The following KLHL1 variants were observed in gnomAD, a reference collection of about 807,000 sequenced individuals.
The protein encoded by KLHL1 is kelch-like protein 1.
KLHL1 carries 47 observed loss-of-function variants against 77.7 expected under a neutral mutation model. The observed-to-expected ratio is 0.60, with a 90% CI of 0.48 to 0.77. The LOEUF is 0.77. Ranked by LOEUF, KLHL1 falls within the 30% of genes least tolerant of loss-of-function variation. The probability of loss-of-function intolerance (pLI) is 0.00; values close to 1 mark genes in which losing one functional copy is unlikely to be tolerated. For synonymous variants in KLHL1, 360 were observed against 325.2 expected (o/e 1.11, Z -1.15); for missense variants, 925 against 910.8 (o/e 1.02, Z -0.20).
intron 6 of KLHL1, among the ~76,000 whole-genome samples, chr13:69,801,631 A>G (rs1206674630): frequency 6.6e-6 from 1 of 152,138 alleles, no homozygotes; most frequent in African/African-American, 2.4e-5. Flanking sequence ...ACATAATTCA[A>G]AGGTGAATCT....
intron 1 of KLHL1, among the ~76,000 whole-genome samples, chr13:69,986,571 CTA>C (rs1884877557): frequency 6.6e-6 from 1 of 151,932 alleles, no homozygotes; most frequent in South Asian, 2.1e-4. Context: ...ATTTAGAAAA[CTA>C]TGCGAATTAC....
Position 70,107,779 on chromosome 13 carries a change from CG to C in KLHL1, c.-81del, listed in dbSNP as rs1259938365. ...GCAGGTGGGGGAGGACAGCGGGGCC[CG>C]GGGGCGGAGGAAGAGGCGGGATGCG... On this transcript the variant is annotated 5_prime_UTR_variant, in exon 1 of 11. Coordinates refer to ENST00000377844, the MANE Select transcript of KLHL1 (RefSeq NM_020866.3). The C allele has an allele frequency of 6.1e-6, 7 of 1,141,844 alleles. No homozygotes were observed. Among genetic ancestry groups the C allele is most frequent in the African/African-American group, 1.6e-5 (1 of 64,272 alleles). The allele number at this position is 1,141,844 out of a possible 1,614,324, so 70.7% of individuals were successfully genotyped here. A position where few individuals can be genotyped will look rare whatever the true frequency, so the allele number is the denominator to read the frequency against.
At position 69,800,843 on chromosome 13, in the gene KLHL1, A is replaced by G. The variant is rs73504081; in HGVS notation, c.1415-3881T>C. Among the ~76,000 whole-genome samples the G allele has an allele frequency of 9.9e-3, 1,507 of 152,272 alleles. 27 individuals are homozygous for G. Among genetic ancestry groups the G allele is most frequent in the African/African-American group, 0.035 (1,434 of 41,540 alleles). ...TTTGTTGTCCCTTAGAGAAAAACCA[A>G]TATTTATCATAATATAGATTACAAA... On this transcript the variant is annotated intron_variant, in intron 6 of 10. Coordinates refer to ENST00000377844, the MANE Select transcript of KLHL1 (RefSeq NM_020866.3).
At chr13:69,809,956 A>G (rs1877793096) in intron 6 of KLHL1, among the ~76,000 whole-genome samples, 1 of 152,122 alleles carries the variant, frequency 6.6e-6, no homozygotes, top group East Asian at 1.9e-4. Context: ...GAAGGGCATT[A>G]GATAATGATA....
At chr13:69,779,021 A>G (rs988074975) in intron 7 of KLHL1, among the ~76,000 whole-genome samples, 1 of 152,072 alleles carries the variant, frequency 6.6e-6, no homozygotes, top group African/African-American at 2.4e-5. Context: ...GATGGTCTCC[A>G]TCTCCTGACC....
At chr13:69,765,180 G>T (rs1412596165) in intron 7 of KLHL1, among the ~76,000 whole-genome samples, 1 of 151,492 alleles carries the variant, frequency 6.6e-6, no homozygotes, top group Non-Finnish European at 1.5e-5. Flanking sequence ...TTGAACTCCT[G>T]GTCTCAGATG....
chr13:69,750,732 C>G (rs1444938279), intron 7 of KLHL1, among the ~76,000 whole-genome samples: 1 of 151,836 alleles, frequency 6.6e-6, no homozygotes, highest in Non-Finnish European at 1.5e-5. Context: ...TCACATAATT[C>G]TACTAAATTA....
At chr13:69,821,927 C>A (rs1391001316) in intron 6 of KLHL1, among the ~76,000 whole-genome samples, 1 of 152,052 alleles carries the variant, frequency 6.6e-6, no homozygotes, top group Non-Finnish European at 1.5e-5. Context: ...AGGCCAGGCC[C>A]AGTGGCTCAT....
At chr13:69,789,053 ATCTATCT>A (rs1876724723) in intron 7 of KLHL1, among the ~76,000 whole-genome samples, 1 of 151,774 alleles carries the variant, frequency 6.6e-6, no homozygotes, top group Non-Finnish European at 1.5e-5. Context: ...CTATCTATCT[ATCTATCT>A]ATCTACTTAT....
At chr13:70,103,022 A>AT (rs992076486) in intron 1 of KLHL1, among the ~76,000 whole-genome samples, 4 of 152,110 alleles carry the variant, frequency 2.6e-5, no homozygotes, top group African/African-American at 9.7e-5. Context: ...TTCAATAAGA[A>AT]TTTTTTTAAA....
chr13:70,026,473 C>T (rs1257780837), intron 1 of KLHL1, among the ~76,000 whole-genome samples: 1 of 152,084 alleles, frequency 6.6e-6, no homozygotes, highest in Non-Finnish European at 1.5e-5. Context: ...TTATGTATTA[C>T]ATAAGAAATA....
chr13:69,846,850 T>C (rs999500910), intron 5 of KLHL1, among the ~76,000 whole-genome samples: 2 of 55,240 alleles, frequency 3.6e-5, no homozygotes, highest in Non-Finnish European at 7.9e-5. Flanking sequence ...TTGAAATGTT[T>C]GTAATAATAC....
intron 1 of KLHL1, among the ~76,000 whole-genome samples, chr13:70,026,478 G>A (rs1215546991): frequency 6.6e-6 from 1 of 152,052 alleles, no homozygotes; most frequent in African/African-American, 2.4e-5. Context: ...TATTACATAA[G>A]AAATAACACT....
intron 1 of KLHL1, among the ~76,000 whole-genome samples, chr13:70,089,014 C>A (rs991103083): frequency 3.3e-5 from 5 of 152,124 alleles, no homozygotes; most frequent in Non-Finnish European, 1.5e-5. Context: ...GAAAACCCAG[C>A]AGGGCAGTAA....
chr13:70,064,613 TC>T (rs1419157784), intron 1 of KLHL1, among the ~76,000 whole-genome samples: 1 of 152,156 alleles, frequency 6.6e-6, no homozygotes, highest in Admixed American at 6.5e-5. Context: ...ACTATAAACT[TC>T]ACAGGGTAAG....
chr13:70,052,157 A>C (rs1886644032), intron 1 of KLHL1, among the ~76,000 whole-genome samples: 1 of 151,948 alleles, frequency 6.6e-6, no homozygotes, highest in African/African-American at 2.4e-5. Flanking sequence ...ATTCTGATGC[A>C]CAGAAATTGT....
chr13:69,801,875 T>A (rs1255601799), intron 6 of KLHL1, among the ~76,000 whole-genome samples: 2 of 152,204 alleles, frequency 1.3e-5, no homozygotes, highest in Non-Finnish European at 2.9e-5. Context: ...TATTATTTTT[T>A]AATTTTACTT....
At position 69,855,298 on chromosome 13, in the gene KLHL1, A is replaced by AGATAGAT. The variant is rs1366533443; in HGVS notation, c.1228-16143_1228-16137dup. On this transcript the variant is annotated intron_variant, in intron 5 of 10. Transcript: ENST00000377844. Reference sequence around the variant, plus strand: ...TCACTCGTACTAATTTTAGATAGATAGATAGATAGATAGATAGATAGATAG... The same window carrying AGATAGAT: ...TCACTCGTACTAATTTTAGATAGATAGATAGATGATAGATAGATAGATAGATAGATAG... Among the ~76,000 whole-genome samples, 120 of 48,172 alleles carry AGATAGAT rather than the reference A, an allele frequency of 2.5e-3. 1 individual carries two copies. The highest frequency in any genetic ancestry group is 8.4e-3 in the African/African-American group (110 of 13,148). The allele number at this position is 48,172 out of a possible 152,430, so 31.6% of individuals were successfully genotyped here. A position where few individuals can be genotyped will look rare whatever the true frequency, so the allele number is the denominator to read the frequency against.
chr13:70,054,645 T>C (rs538532010), intron 1 of KLHL1, among the ~76,000 whole-genome samples: 1 of 151,358 alleles, frequency 6.6e-6, no homozygotes, highest in African/African-American at 2.4e-5. Context: ...GCTATTTTGA[T>C]AAAGCCAAAC....
Sources: gnomAD v4.1 joint callset for allele counts (sites outside exome capture counted in the v4.1 genomes callset) on GRCh38, gnomAD v4.1.1 for gene constraint, MANE v1.5 for transcripts, NCBI Gene and HGNC (gene_info 2026-07-23, HGNC 2026-07-21) for gene names.